The following CSMD3 variants were observed in gnomAD, a reference collection of about 807,000 sequenced individuals.
CSMD3 encodes the protein CUB and Sushi multiple domains 3.
CSMD3 carries 177 observed loss-of-function variants against 435.2 expected under a neutral mutation model. That is an observed-to-expected ratio of 0.41 (90% confidence interval 0.36 to 0.46). The LOEUF (loss-of-function observed/expected upper bound fraction) is 0.46, where lower values mean the gene tolerates loss of function less well. Ranked by LOEUF, CSMD3 falls within the 20% of genes least tolerant of loss-of-function variation. CSMD3 has a pLI of 0.34. For missense variants in CSMD3, 4,265 were observed against 4,504.6 expected (o/e 0.95, Z 1.52); for synonymous variants, 1,656 against 1,520.5 (o/e 1.09, Z -2.07).
rs1009127179 is a variant in CSMD3, at chr8:113,376,969, T to C, written c.178+59708A>G. The C allele has an allele frequency of 7.5e-6, 10 of 1,339,856 alleles. No individual in the cohort carries two copies. The African/African-American group carries it at 1.4e-4, about 19-fold the overall frequency. 83.0% of individuals were successfully genotyped at this position (1,339,856 alleles called of 1,614,324 possible). The stretch of plus-strand genomic sequence containing the variant: ...TCAGGAGGTGCCCAAACTAAAGGTG[T>C]GTGCGCTGCGCATGACCAGCCGGGC... On this transcript the variant is annotated intron_variant, in intron 1 of 70. Coordinates refer to ENST00000297405, the MANE Select transcript of CSMD3 (RefSeq NM_198123.2).
intron 29 of CSMD3, among the ~76,000 whole-genome samples, chr8:112,504,740 A>G (rs1822329567): frequency 6.6e-6 from 1 of 152,152 alleles, no homozygotes; most frequent in Non-Finnish European, 1.5e-5. Context: ...CTTCAAAAGT[A>G]TAACAATTGT....
chr8:113,274,588 T>C (rs183225989), intron 3 of CSMD3, among the ~76,000 whole-genome samples: 1 of 152,100 alleles, frequency 6.6e-6, no homozygotes, highest in Non-Finnish European at 1.5e-5. Context: ...ATAGACAGTT[T>C]GAAAAATGTA....
chr8:112,545,375 C>T (rs1435883507), intron 27 of CSMD3, among the ~76,000 whole-genome samples: 1 of 147,458 alleles, frequency 6.8e-6, no homozygotes, highest in Admixed American at 6.9e-5. Context: ...CCCAGCTATT[C>T]GGGAGGCTGA....
At chr8:113,382,370 G>A (rs2094419870) in intron 1 of CSMD3, among the ~76,000 whole-genome samples, 1 of 152,096 alleles carries the variant, frequency 6.6e-6, no homozygotes, top group African/African-American at 2.4e-5. Context: ...TTCACAATAA[G>A]TGATGAGTCA....
chr8:112,285,729 C>CT (rs1360747303), intron 58 of CSMD3, among the ~76,000 whole-genome samples: 4 of 151,026 alleles, frequency 2.6e-5, no homozygotes, highest in East Asian at 1.9e-4. Context: ...TTTTATCTTT[C>CT]TTTTTTTTTA....
chr8:112,864,225 C>CT (rs1170438380), intron 10 of CSMD3, among the ~76,000 whole-genome samples: 2 of 150,830 alleles, frequency 1.3e-5, no homozygotes, highest in African/African-American at 2.4e-5. Flanking sequence ...AGGTTTCTTT[C>CT]TTTTTTTTGT....
At chr8:112,609,553 T>C (rs890943737) in intron 22 of CSMD3, among the ~76,000 whole-genome samples, 1 of 152,192 alleles carries the variant, frequency 6.6e-6, no homozygotes. Context: ...GGAACCCTTA[T>C]ACATTGTTGG....
intron 22 of CSMD3, among the ~76,000 whole-genome samples, chr8:112,598,185 A>AT (rs889303356): frequency 1.7e-5 from 2 of 116,988 alleles, no homozygotes; most frequent in African/African-American, 7.2e-5. Flanking sequence ...GGATACAAAA[A>AT]CAATGTACAA....
At chr8:112,695,212 A>G (rs1313556483) in intron 13 of CSMD3, among the ~76,000 whole-genome samples, 1 of 152,204 alleles carries the variant, frequency 6.6e-6, no homozygotes, top group Non-Finnish European at 1.5e-5. Context: ...GTATCTTTCC[A>G]GTTCTTTTTT....
At chr8:112,419,228 T>C (rs1245928546) in intron 32 of CSMD3, among the ~76,000 whole-genome samples, 1 of 152,196 alleles carries the variant, frequency 6.6e-6, no homozygotes, top group Non-Finnish European at 1.5e-5. Context: ...TGCGTTATGC[T>C]GATTTAGCAT....
chr8:112,816,166 A>C (rs1433740112), intron 12 of CSMD3, among the ~76,000 whole-genome samples: 2 of 152,102 alleles, frequency 1.3e-5, no homozygotes, highest in Non-Finnish European at 2.9e-5. Flanking sequence ...TTGGAGTAGA[A>C]TATTTTTCCC....
chr8:113,270,455 C>T (rs1394336642), intron 3 of CSMD3, among the ~76,000 whole-genome samples: 1 of 152,104 alleles, frequency 6.6e-6, no homozygotes, highest in East Asian at 1.9e-4. Flanking sequence ...TACCATTTGA[C>T]CCAGCCATCG....
At chr8:112,642,732 C>A (rs958735967) in intron 20 of CSMD3, among the ~76,000 whole-genome samples, 1 of 150,268 alleles carries the variant, frequency 6.7e-6, no homozygotes, top group African/African-American at 2.5e-5. Flanking sequence ...TAGAAAAAAG[C>A]AATTGCATAA....
At chr8:113,090,260 T>C (rs184622219) in intron 5 of CSMD3, among the ~76,000 whole-genome samples, 11 of 151,568 alleles carry the variant, frequency 7.3e-5, no homozygotes, top group Non-Finnish European at 1.5e-4. Flanking sequence ...TGGAGGGGAG[T>C]TGCAGAGGTG....
chr8:112,552,539 G>T (rs191438113), intron 26 of CSMD3, 55 bp downstream of exon 26: 2 of 1,542,558 alleles, frequency 1.3e-6, no homozygotes, highest in Non-Finnish European at 1.8e-6. Context: ...TTATATAGGG[G>T]TTGGTTAGGC....
intron 45 of CSMD3, among the ~76,000 whole-genome samples, chr8:112,324,701 G>A (rs1396903697): frequency 1.3e-5 from 2 of 151,846 alleles, no homozygotes; most frequent in Admixed American, 6.6e-5. Flanking sequence ...GTTATACTCA[G>A]GATTTCATTT....
chr8:112,337,724 C>T lies in CSMD3; in HGVS notation c.6660G>A (p.Gln2220=). Residue 2220 remains glutamine, a synonymous_variant, in exon 43 of 71, where the codon CAG becomes CAA. Transcript: ENST00000297405. ...GGCGTGGATCAGGACAGCTTTGCAA[C>T]TGATAGGCTGGAAAGAGGAAAAAGA... is the stretch of plus-strand genomic sequence containing the variant. ...QGFHIVYQAY[Q]LQSCPDPRPF... 1 of 1,610,976 alleles carries T rather than the reference C, an allele frequency of 6.2e-7. No individual in the cohort carries two copies.
intron 32 of CSMD3, among the ~76,000 whole-genome samples, chr8:112,428,788 A>T (rs1813352085): frequency 1.3e-5 from 2 of 151,944 alleles, no homozygotes; most frequent in Admixed American, 6.6e-5. Flanking sequence ...TCCTCCCTGA[A>T]TTCTCATTAT....
At chr8:112,949,274 C>T (rs143470806) in intron 8 of CSMD3, among the ~76,000 whole-genome samples, 2 of 151,974 alleles carry the variant, frequency 1.3e-5, no homozygotes, top group African/African-American at 4.8e-5. Context: ...TTACAGCATT[C>T]TAAAAAAATA....
Sources: gnomAD v4.1 joint callset for allele counts (sites outside exome capture counted in the v4.1 genomes callset) on GRCh38, gnomAD v4.1.1 for gene constraint, MANE v1.5 for transcripts, NCBI Gene and HGNC (gene_info 2026-07-23, HGNC 2026-07-21) for gene names.